Variants in PDE1A observed in about 807,000 individuals in gnomAD.
The protein encoded by PDE1A is dual specificity calcium/calmodulin-dependent 3',5'-cyclic nucleotide phosphodiesterase 1A.
A neutral mutation model predicts 61.7 loss-of-function variants in PDE1A; 35 were observed. The observed-to-expected ratio is 0.57, with a 90% confidence interval of 0.43 to 0.75. The LOEUF (loss-of-function observed/expected upper bound fraction) is 0.75. Ranked by LOEUF, PDE1A falls within the 30% of genes least tolerant of loss-of-function variation. PDE1A has a pLI of 0.00. For synonymous variants in PDE1A, 232 were observed against 213.2 expected (o/e 1.09, Z -0.77); for missense variants, 597 against 630.6 (o/e 0.95, Z 0.57).
the PDE1A span, among the ~76,000 whole-genome samples, chr2:182,689,937 G>T: frequency 1.4e-4 from 21 of 152,242 alleles, no homozygotes; most frequent in East Asian, 1.9e-3. Flanking sequence ...TAGAAGAAAT[G>T]GATAAATTCC....
intron 8 of PDE1A, among the ~76,000 whole-genome samples, chr2:182,204,107 G>A (rs1457957683): frequency 2.7e-5 from 4 of 145,746 alleles, no homozygotes; most frequent in Non-Finnish European, 6.0e-5. Flanking sequence ...AGTGAACTTT[G>A]AGGAAAAAAT....
rs147085535 is a variant in PDE1A at position 182,443,483 on chromosome 2, G to T, written c.101+78793C>A. On this transcript the variant is annotated intron_variant, in intron 2 of 14. Coordinates refer to the PDE1A transcript ENST00000410103. ...CATGGGGGCGGATCTCCCCCTTGCTGGTCTCGAGATAGTGAGTGTGTTCTC... is the reference window on the plus strand; with the variant it reads ...CATGGGGGCGGATCTCCCCCTTGCTTGTCTCGAGATAGTGAGTGTGTTCTC... 4.0e-4 allele frequency among the ~76,000 whole-genome samples: 61 copies of T among 151,856 alleles called. No individual in the cohort carries two copies. In the East Asian group the frequency reaches 0.012, roughly 29 times the overall value.
At chr2:182,142,310 G>A (rs1464500717), downstream of PDE1A, 3 of 152,184 alleles carry the variant, frequency 2.0e-5, no homozygotes, top group African/African-American at 4.8e-5. Flanking sequence ...CATGTGACTT[G>A]CTTGTAACCA....
chr2:182,711,253 C>A, the PDE1A span, among the ~76,000 whole-genome samples: 1 of 152,084 alleles, frequency 6.6e-6, no homozygotes, highest in Non-Finnish European at 1.5e-5. Flanking sequence ...GGGGCAATCA[C>A]ACAGGGGATG....
chr2:182,670,548 T>C, the PDE1A span, among the ~76,000 whole-genome samples: 1 of 152,188 alleles, frequency 6.6e-6, no homozygotes, highest in Non-Finnish European at 1.5e-5. Context: ...TGCATCACAA[T>C]CACCTGGGGG....
At chr2:182,310,968 A>G (rs571867938) in intron 1 of PDE1A, among the ~76,000 whole-genome samples, 2 of 152,146 alleles carry the variant, frequency 1.3e-5, no homozygotes, top group Non-Finnish European at 2.9e-5. Flanking sequence ...CTGCTTCCAT[A>G]TCTTTCTTCC....
the PDE1A span, among the ~76,000 whole-genome samples, chr2:182,625,214 T>A: frequency 6.6e-6 from 1 of 152,172 alleles, no homozygotes; most frequent in African/African-American, 2.4e-5. Flanking sequence ...CTTTCCAGCA[T>A]CCAGAACTGT....
chr2:182,534,661 T>C, the PDE1A span, among the ~76,000 whole-genome samples: 5 of 151,702 alleles, frequency 3.3e-5, no homozygotes, highest in African/African-American at 9.7e-5. Flanking sequence ...TATTAATTTG[T>C]AAAGATTATT....
intron 2 of PDE1A, among the ~76,000 whole-genome samples, chr2:182,466,724 G>A (rs775508890): frequency 2.0e-5 from 3 of 152,048 alleles, no homozygotes; most frequent in Non-Finnish European, 4.4e-5. Context: ...ATTCTCAGGA[G>A]TGGGGGCTCT....
At chr2:182,419,317 C>G (rs1476480132) in intron 1 of PDE1A, among the ~76,000 whole-genome samples, 3 of 150,686 alleles carry the variant, frequency 2.0e-5, no homozygotes, top group Admixed American at 6.6e-5. Context: ...TATTGATTTT[C>G]TCATTCTTTT....
At chr2:182,543,470 C>A in the PDE1A span, among the ~76,000 whole-genome samples, 1 of 151,980 alleles carries the variant, frequency 6.6e-6, no homozygotes, top group Non-Finnish European at 1.5e-5. Flanking sequence ...GTAGTCCAAC[C>A]CAGGGTTTAA....
At chr2:182,564,041 T>C in the PDE1A span, among the ~76,000 whole-genome samples, 1 of 152,232 alleles carries the variant, frequency 6.6e-6, no homozygotes, top group Non-Finnish European at 1.5e-5. Flanking sequence ...ATTGGAGCAT[T>C]TAGTCCATTT....
At chr2:182,538,262 T>C in the PDE1A span, among the ~76,000 whole-genome samples, 1 of 152,166 alleles carries the variant, frequency 6.6e-6, no homozygotes, top group African/African-American at 2.4e-5. Context: ...TATGGTGTGT[T>C]GCTCCTTCTC....
the PDE1A span, among the ~76,000 whole-genome samples, chr2:182,713,440 G>A: frequency 1.3e-5 from 2 of 152,140 alleles, no homozygotes; most frequent in Non-Finnish European, 1.5e-5. Context: ...AGACCAGCCT[G>A]ACCAATATGA....
the PDE1A span, among the ~76,000 whole-genome samples, chr2:182,581,140 T>C: frequency 6.6e-6 from 1 of 152,186 alleles, no homozygotes; most frequent in Non-Finnish European, 1.5e-5. Flanking sequence ...ACCTGCTAGC[T>C]AGTTTTAATT....
At chr2:182,641,368 A>C in the PDE1A span, among the ~76,000 whole-genome samples, 1 of 152,268 alleles carries the variant, frequency 6.6e-6, no homozygotes, top group East Asian at 1.9e-4. Flanking sequence ...AAACTAGGCC[A>C]ATTTTTTACC....
intron 1 of PDE1A, among the ~76,000 whole-genome samples, chr2:182,284,419 C>A (rs1031730966): frequency 6.6e-6 from 1 of 152,030 alleles, no homozygotes; most frequent in Admixed American, 6.6e-5. Flanking sequence ...AAAATTGGAA[C>A]ATAAAATTAA....
At chr2:182,581,401 G>A in the PDE1A span, among the ~76,000 whole-genome samples, 7 of 152,090 alleles carry the variant, frequency 4.6e-5, no homozygotes, top group Non-Finnish European at 7.4e-5. Flanking sequence ...ATGCAAAAAG[G>A]CTCTGTGCAT....
intron 2 of PDE1A, among the ~76,000 whole-genome samples, chr2:182,435,175 A>G (rs1263636577): frequency 6.6e-6 from 1 of 152,060 alleles, no homozygotes; most frequent in African/African-American, 2.4e-5. Flanking sequence ...AATAGAAATA[A>G]TTTAAAACAG....
Sources: gnomAD v4.1 joint callset for allele counts (sites outside exome capture counted in the v4.1 genomes callset) on GRCh38, gnomAD v4.1.1 for gene constraint, MANE v1.5 for transcripts, NCBI Gene and HGNC (gene_info 2026-07-23, HGNC 2026-07-21) for gene names.